CEP128: variants seen among roughly 807,000 people sequenced by gnomAD.
CEP128 encodes centrosomal protein 128kDa.
A neutral mutation model predicts 156.7 loss-of-function variants in CEP128; 132 were observed. The observed-to-expected ratio is 0.84, with a 90% CI of 0.73 to 0.97. CEP128 has a LOEUF of 0.97. CEP128 is among the 50% of genes least tolerant of loss of function. The pLI is 0.00. For synonymous variants in CEP128, 469 were observed against 448.9 expected, an observed-to-expected ratio of 1.04 and a Z score of -0.57; for missense variants, 1,252 against 1,281.9, an observed-to-expected ratio of 0.98 and a Z score of 0.36.
chr14:80,799,036 G>A (rs545336687), intron 13 of CEP128, among the ~76,000 whole-genome samples: 2 of 152,344 alleles, frequency 1.3e-5, no homozygotes, highest in East Asian at 3.9e-4. Context: ...CTGCCAGACT[G>A]TAATGACTCA....
chr14:80,879,112 G>T (rs1471535832), intron 8 of CEP128, among the ~76,000 whole-genome samples: 2 of 152,086 alleles, frequency 1.3e-5, no homozygotes, highest in Non-Finnish European at 1.5e-5. Flanking sequence ...ACTTCACAGA[G>T]ACTACAACAC....
At chr14:80,658,245 T>C (rs1037322758) in intron 19 of CEP128, among the ~76,000 whole-genome samples, 2 of 152,230 alleles carry the variant, frequency 1.3e-5, no homozygotes, top group Non-Finnish European at 2.9e-5. Flanking sequence ...GTAGGGGATA[T>C]AGAAAATGAT....
chr14:80,826,753 A>G (rs1885503542), intron 13 of CEP128, among the ~76,000 whole-genome samples: 2 of 152,192 alleles, frequency 1.3e-5, no homozygotes, highest in Admixed American at 1.3e-4. Flanking sequence ...AATTATGTTC[A>G]GCATCTTGTT....
At position 80,758,158 on chromosome 14, in the gene CEP128, A is replaced by G. The variant is rs145974636; in HGVS notation, c.2554-1207T>C. Among the ~76,000 whole-genome samples, 231 of 152,346 alleles carry G rather than the reference A, an allele frequency of 1.5e-3. 2 individuals carry two copies. Among genetic ancestry groups the G allele is most frequent in the African/African-American group, 5.4e-3 (223 of 41,590 alleles). On this transcript the variant is annotated intron_variant, in intron 17 of 24. Coordinates refer to ENST00000555265, the MANE Select transcript of CEP128 (RefSeq NM_152446.5). ...ATATCAAAGTATAAGATAATTGGGT[A>G]TAAGTACAAGTAATGTTCACATTTT...
chr14:80,914,442 C>A (rs984002918), intron 3 of CEP128, 34 bp from the exon 4 acceptor site: 1 of 1,513,772 alleles, frequency 6.6e-7, no homozygotes, highest in Admixed American at 1.7e-5. Flanking sequence ...TTAATTATTC[C>A]AAATACTTTT....
chr14:80,566,322 A>C (rs932987459), intron 20 of CEP128, among the ~76,000 whole-genome samples: 8 of 152,340 alleles, frequency 5.3e-5, no homozygotes, highest in Non-Finnish European at 1.2e-4. Flanking sequence ...ATGACAATCC[A>C]TTACGTTTTA....
intron 19 of CEP128, among the ~76,000 whole-genome samples, chr14:80,733,389 T>C (rs1032065785): frequency 6.6e-6 from 1 of 151,680 alleles, no homozygotes; most frequent in Admixed American, 6.6e-5. Flanking sequence ...TGTGTATTTG[T>C]GTGTCTGTGA....
At chr14:80,535,592 C>T (rs573939732) in intron 21 of CEP128, among the ~76,000 whole-genome samples, 4 of 150,538 alleles carry the variant, frequency 2.7e-5, no homozygotes, top group East Asian at 1.9e-4. Flanking sequence ...TGTGCACACA[C>T]GCGCACGCAT....
intron 2 of CEP128, among the ~76,000 whole-genome samples, chr14:80,953,758 C>T (rs963170148): frequency 6.6e-6 from 1 of 152,178 alleles, no homozygotes; most frequent in Non-Finnish European, 1.5e-5. Context: ...CCACAAAATT[C>T]TCTGGTGTTC....
intron 10 of CEP128, among the ~76,000 whole-genome samples, chr14:80,838,678 AG>A (rs1439480631): frequency 6.6e-6 from 1 of 152,170 alleles, no homozygotes; most frequent in African/African-American, 2.4e-5. Flanking sequence ...TAGAATACAC[AG>A]TGTCAAATTA....
chr14:80,904,981 G>A, intron 5 of CEP128, 50 bp from the exon 6 acceptor site: 1 of 1,067,502 alleles, frequency 9.4e-7, no homozygotes, highest in East Asian at 2.4e-5. Context: ...CATGAGAAGA[G>A]ACAATCTAAA....
At chr14:80,629,311 A>C (rs1547500) in intron 19 of CEP128, among the ~76,000 whole-genome samples, 53,965 of 151,944 alleles carry the variant, frequency 0.36, 11,392 homozygotes, top group African/African-American at 0.59. Flanking sequence ...TTGTATCTTG[A>C]AGAGTTGTAG....
At chr14:80,952,664 A>G (rs907639865) in intron 2 of CEP128, among the ~76,000 whole-genome samples, 1 of 152,072 alleles carries the variant, frequency 6.6e-6, no homozygotes, top group Non-Finnish European at 1.5e-5. Context: ...ATCAGAGCAT[A>G]TATCAATGAA....
downstream of CEP128, among the ~76,000 whole-genome samples, chr14:80,494,116 AAACATTTGAG>A (rs1398199217): frequency 2.0e-5 from 3 of 152,220 alleles, no homozygotes; most frequent in African/African-American, 7.2e-5. Flanking sequence ...TTCTATTGCT[AAACATTTGAG>A]AACTTAAAAG....
At chr14:80,916,119 A>G (rs909504057) in intron 3 of CEP128, among the ~76,000 whole-genome samples, 8 of 152,208 alleles carry the variant, frequency 5.3e-5, no homozygotes, top group Non-Finnish European at 8.8e-5. Flanking sequence ...CAGCCACAAG[A>G]TAAGAAATGT....
At chr14:80,486,034 T>C (rs946236394), downstream of CEP128, among the ~76,000 whole-genome samples, 11 of 152,356 alleles carry the variant, frequency 7.2e-5, no homozygotes, top group South Asian at 1.9e-3. Flanking sequence ...GCAAGAGCTG[T>C]ACATTTTAGT....
chr14:80,830,101 C>A, intron 13 of CEP128: 2 of 428,070 alleles, frequency 4.7e-6, no homozygotes, highest in South Asian at 6.1e-5. Context: ...TCAGCAGGAT[C>A]AAGGGCTAAA....
chr14:80,900,806 G>A (rs1883507412), intron 6 of CEP128, among the ~76,000 whole-genome samples: 2 of 151,988 alleles, frequency 1.3e-5, no homozygotes, highest in Admixed American at 1.3e-4. Flanking sequence ...GATGTAGGTA[G>A]TAAAAATTAA....
intron 23 of CEP128, among the ~76,000 whole-genome samples, chr14:80,512,805 G>A (rs1357151279): frequency 6.6e-6 from 1 of 151,776 alleles, no homozygotes; most frequent in Admixed American, 6.6e-5. Context: ...TTAAACTAAT[G>A]ATAACACTTC....
Sources: allele counts gnomAD v4.1 joint callset (sites outside exome capture counted in the v4.1 genomes callset), GRCh38; gene constraint gnomAD v4.1.1; transcripts MANE v1.5; gene names NCBI Gene and HGNC (gene_info 2026-07-23, HGNC 2026-07-21).